Variants in TSPAN18 observed in about 807,000 individuals in gnomAD.
The protein encoded by TSPAN18 is tetraspanin 18, also known as tetraspanin-18.
A neutral mutation model predicts 27.3 loss-of-function variants in TSPAN18; 14 were observed. The observed-to-expected ratio is 0.51, with a 90% CI of 0.34 to 0.80. The LOEUF (loss-of-function observed/expected upper bound fraction) is 0.80. Ranked by LOEUF, TSPAN18 falls within the 30% of genes least tolerant of loss-of-function variation. TSPAN18 has a pLI of 0.01. For missense variants in TSPAN18, 268 were observed against 323.9 expected (o/e 0.83, Z 1.32); for synonymous variants, 143 against 136.5 (o/e 1.05, Z -0.33).
At chr11:44,732,146 A>T (rs527735732) in intron 1 of TSPAN18, among the ~76,000 whole-genome samples, 2 of 152,366 alleles carry the variant, frequency 1.3e-5, no homozygotes, top group East Asian at 3.9e-4. Flanking sequence ...CTTATTGGCC[A>T]TGCTGGCCGG....
chr11:44,910,835 T>G (rs10769093), intron 5 of TSPAN18, among the ~76,000 whole-genome samples: 3 of 152,014 alleles, frequency 2.0e-5, no homozygotes, highest in Admixed American at 6.5e-5. Context: ...AGCTGGGCAG[T>G]GGGCAGGCCT....
At chr11:44,786,454 C>G (rs1475244941) in intron 2 of TSPAN18, among the ~76,000 whole-genome samples, 1 of 151,220 alleles carries the variant, frequency 6.6e-6, no homozygotes, top group African/African-American at 2.5e-5. Context: ...CAGAGTGAAA[C>G]TCGGTGATGT....
intron 2 of TSPAN18, among the ~76,000 whole-genome samples, chr11:44,790,251 G>A (rs949873669): frequency 4.0e-5 from 6 of 150,850 alleles, no homozygotes; most frequent in Non-Finnish European, 4.4e-5. Flanking sequence ...GTGCCTGTGC[G>A]TGCATATGTT....
intron 3 of TSPAN18, among the ~76,000 whole-genome samples, chr11:44,903,202 G>T (rs577151226): frequency 1.2e-4 from 19 of 152,188 alleles, no homozygotes; most frequent in Non-Finnish European, 2.6e-4. Flanking sequence ...GGGGCAGGAG[G>T]GGGGAATCAG....
intron 1 of TSPAN18, among the ~76,000 whole-genome samples, chr11:44,760,598 C>G (rs1855431471): frequency 6.6e-6 from 1 of 152,188 alleles, no homozygotes; most frequent in African/African-American, 2.4e-5. Context: ...AGTTTCTCAT[C>G]TGGGCCTCAT....
chr11:44,894,584 G>A (rs955000972), intron 3 of TSPAN18, among the ~76,000 whole-genome samples: 1 of 152,248 alleles, frequency 6.6e-6, no homozygotes, highest in Non-Finnish European at 1.5e-5. Flanking sequence ...CCATCTGGGC[G>A]ACAGGAGGGG....
intron 1 of TSPAN18, among the ~76,000 whole-genome samples, chr11:44,728,456 C>G (rs758000101): frequency 6.6e-6 from 1 of 152,118 alleles, no homozygotes; most frequent in Non-Finnish European, 1.5e-5. Flanking sequence ...GGTCGAATCC[C>G]TGTCTGGTGA....
intron 1 of TSPAN18, among the ~76,000 whole-genome samples, chr11:44,741,261 AT>A (rs1276221879): frequency 6.6e-6 from 1 of 152,164 alleles, no homozygotes; most frequent in Non-Finnish European, 1.5e-5. Context: ...TCATTTGATA[AT>A]TTTTCCTTCT....
Position 44,727,513 on chromosome 11 carries a change from T to C in TSPAN18, c.-240+226T>C, listed in dbSNP as rs567377662. Among the ~76,000 whole-genome samples the C allele has an allele frequency of 8.5e-5, 13 of 152,206 alleles. 1 individual carries two copies. In the South Asian group the frequency reaches 2.1e-3, roughly 24 times the overall value. On this transcript the variant is annotated intron_variant, in intron 1 of 9. Transcript: ENST00000520358. ...CACCCCGTGCCTGCCCGGAGTCCGC[T>C]GAGGGCCGGGGGCTGCGCCCAGGAC...
rs117348321 is a variant in TSPAN18 at position 44,755,063 on chromosome 11, T to C, written c.-239-9363T>C. Among the ~76,000 whole-genome samples the C allele has an allele frequency of 2.8e-3, 420 of 152,252 alleles. 2 individuals carry two copies. Among genetic ancestry groups the C allele is most frequent in the Non-Finnish European group, 3.8e-3 (258 of 68,000 alleles). On this transcript the variant is annotated intron_variant, in intron 1 of 9. Transcript: ENST00000520358. ...GGGAGGCGTGAGGGGAAATGATTCT[T>C]AACAGCAGTTGCATTGAGAATAAAC... is the stretch of plus-strand genomic sequence containing the variant.
At chr11:44,898,673 G>A (rs923038607) in intron 3 of TSPAN18, among the ~76,000 whole-genome samples, 19 of 152,242 alleles carry the variant, frequency 1.2e-4, no homozygotes, top group African/African-American at 1.7e-4. Context: ...ATCACATGGC[G>A]AGGGGGCTGA....
chr11:44,863,479 AG>A (rs1446152444), intron 3 of TSPAN18, among the ~76,000 whole-genome samples: 1 of 152,122 alleles, frequency 6.6e-6, no homozygotes, highest in African/African-American at 2.4e-5. Flanking sequence ...GGAGTTTTGG[AG>A]GGCCCTTTCA....
At chr11:44,867,591 G>A (rs1000652293) in intron 3 of TSPAN18, among the ~76,000 whole-genome samples, 3 of 151,838 alleles carry the variant, frequency 2.0e-5, no homozygotes, top group Non-Finnish European at 4.4e-5. Context: ...TAGAGATGGG[G>A]TTTCACCATG....
intron 2 of TSPAN18, among the ~76,000 whole-genome samples, chr11:44,816,810 T>G (rs1856826481): frequency 6.6e-6 from 1 of 152,252 alleles, no homozygotes; most frequent in Non-Finnish European, 1.5e-5. Flanking sequence ...AGGTGGGCCA[T>G]GGTGCCTCCT....
chr11:44,734,928 C>G (rs1854753227), intron 1 of TSPAN18, among the ~76,000 whole-genome samples: 1 of 152,198 alleles, frequency 6.6e-6, no homozygotes, highest in Admixed American at 6.5e-5. Context: ...TGGTTGGTGT[C>G]TTAGCCCTTG....
chr11:44,922,421 G>A (rs116890520), intron 8 of TSPAN18, among the ~76,000 whole-genome samples: 1 of 152,112 alleles, frequency 6.6e-6, no homozygotes, highest in South Asian at 2.1e-4. Context: ...TCCGGCCCTA[G>A]GATACATTTC....
At chr11:44,911,048 C>T (rs1186767415) in intron 5 of TSPAN18, among the ~76,000 whole-genome samples, 1 of 152,218 alleles carries the variant, frequency 6.6e-6, no homozygotes, top group East Asian at 1.9e-4. Flanking sequence ...GGGCCTCCGC[C>T]TGCTTTCCTG....
chr11:44,915,767 T>C (rs1029373053), intron 5 of TSPAN18, among the ~76,000 whole-genome samples: 1 of 152,188 alleles, frequency 6.6e-6, no homozygotes. Context: ...TCCAAAGAGC[T>C]CTGCACCTGT....
chr11:44,847,070 G>A (rs913697413), intron 2 of TSPAN18, among the ~76,000 whole-genome samples: 1 of 152,206 alleles, frequency 6.6e-6, no homozygotes, highest in African/African-American at 2.4e-5. Flanking sequence ...GAGAGGGAGA[G>A]ACGCAGGGCT....
Sources: allele counts gnomAD v4.1 joint callset (sites outside exome capture counted in the v4.1 genomes callset), GRCh38; gene constraint gnomAD v4.1.1; transcripts MANE v1.5; gene names NCBI Gene and HGNC (gene_info 2026-07-23, HGNC 2026-07-21).